The following CPE variants were observed in gnomAD, a reference collection of about 807,000 sequenced individuals.
CPE encodes the protein carbocypeptidase E.
In CPE, 17 loss-of-function variants were observed where a neutral mutation model predicts 53.5. The ratio of observed to expected loss-of-function variants is 0.32; its 90% confidence interval spans 0.22 to 0.48. The LOEUF (loss-of-function observed/expected upper bound fraction) is 0.48. Ranked by LOEUF, CPE falls within the 20% of genes least tolerant of loss-of-function variation. CPE has a pLI of 0.99. For synonymous variants in CPE, 226 were observed against 228.8 expected (o/e 0.99, Z 0.11); for missense variants, 524 against 614.7 (o/e 0.85, Z 1.56).
At chr4:165,405,307 A>C (rs754449189) in intron 1 of CPE, 1 of 1,323,114 alleles carries the variant, frequency 7.6e-7, no homozygotes, top group Non-Finnish European at 1.1e-6. Flanking sequence ...CTCCAGATGT[A>C]TTCTTCTTGC....
intron 1 of CPE, among the ~76,000 whole-genome samples, chr4:165,461,679 C>T (rs1182806826): frequency 1.3e-5 from 2 of 152,170 alleles, no homozygotes; most frequent in Non-Finnish European, 2.9e-5. Context: ...GAGTCTTCTT[C>T]CAGACTCTAC....
chr4:165,492,590 A>G (rs1422988196), intron 6 of CPE, among the ~76,000 whole-genome samples: 1 of 152,132 alleles, frequency 6.6e-6, no homozygotes, highest in African/African-American at 2.4e-5. Context: ...AAGGGCTTAC[A>G]ACTCTAAGGG....
intron 1 of CPE, among the ~76,000 whole-genome samples, chr4:165,393,877 C>T (rs1439922995): frequency 6.6e-6 from 1 of 152,186 alleles, no homozygotes; most frequent in Non-Finnish European, 1.5e-5. Flanking sequence ...TAAATCACTC[C>T]AGCACACTGT....
intron 1 of CPE, chr4:165,405,438 T>A: frequency 1.1e-6 from 1 of 871,802 alleles, no homozygotes; most frequent in Non-Finnish European, 2.0e-6. Context: ...ATTCCAGTCT[T>A]TACCACATCA....
intron 2 of CPE, 69 bp from the exon 3 acceptor site, chr4:165,467,619 G>T: frequency 7.0e-7 from 1 of 1,425,070 alleles, no homozygotes; most frequent in Non-Finnish European, 9.5e-7. Flanking sequence ...CATTGATAGG[G>T]ACCTTAAATA....
intron 1 of CPE, among the ~76,000 whole-genome samples, chr4:165,424,890 T>TTTTTTTG (rs1453637900): frequency 2.0e-5 from 3 of 151,696 alleles, no homozygotes; most frequent in African/African-American, 7.3e-5. Context: ...TTTTTTTTTT[T>TTTTTTTG]TTGAGACAGA....
chr4:165,477,054 C>T (rs1168257631), intron 3 of CPE, among the ~76,000 whole-genome samples: 1 of 152,214 alleles, frequency 6.6e-6, no homozygotes, highest in Non-Finnish European at 1.5e-5. Context: ...TTTGTTAAAT[C>T]TGAGAAATGA....
intron 3 of CPE, among the ~76,000 whole-genome samples, chr4:165,471,980 C>T (rs536066143): frequency 2.0e-5 from 3 of 152,226 alleles, no homozygotes; most frequent in East Asian, 3.9e-4. Flanking sequence ...TTAAGAATAC[C>T]CACAAATAGT....
At chr4:165,388,124 A>G (rs566199189) in intron 1 of CPE, among the ~76,000 whole-genome samples, 24 of 152,340 alleles carry the variant, frequency 1.6e-4, no homozygotes, top group African/African-American at 5.5e-4. Context: ...TGCAGCTGCT[A>G]GTCACTGCCA....
chr4:165,462,486 A>AG (rs1732025517), intron 1 of CPE, among the ~76,000 whole-genome samples: 2 of 151,838 alleles, frequency 1.3e-5, no homozygotes, highest in South Asian at 4.2e-4. Context: ...ACTTTTTCAA[A>AG]AAAACTTGTG....
At chr4:165,424,789 C>T (rs1731289145) in intron 1 of CPE, among the ~76,000 whole-genome samples, 1 of 152,134 alleles carries the variant, frequency 6.6e-6, no homozygotes, top group Non-Finnish European at 1.5e-5. Context: ...CTGCCTCGGC[C>T]TCCCAAAGTT....
intron 1 of CPE, among the ~76,000 whole-genome samples, chr4:165,460,716 G>A (rs1213678025): frequency 2.6e-5 from 4 of 152,160 alleles, no homozygotes; most frequent in African/African-American, 4.8e-5. Context: ...TGAAAAGCAA[G>A]ACCATTCATT....
intron 1 of CPE, among the ~76,000 whole-genome samples, chr4:165,459,789 G>A (rs1245564162): frequency 1.3e-5 from 2 of 151,322 alleles, no homozygotes; most frequent in South Asian, 2.1e-4. Flanking sequence ...GGTGGCGTGC[G>A]CCTGTACTCC....
Position 165,485,607 on chromosome 4 carries a change from A to G in CPE, c.973+1003A>G, listed in dbSNP as rs1356904712. On this transcript the variant is annotated intron_variant, in intron 5 of 8. Coordinates refer to ENST00000402744, the MANE Select transcript of CPE (RefSeq NM_001873.4). The stretch of plus-strand genomic sequence containing the variant: ...TGTCTAGTACATCAGATGGGAAGTA[A>G]TTTTATACTTTAGTTTTTATAAAAA... Among the ~76,000 whole-genome samples the G allele has an allele frequency of 2.0e-5, 3 of 152,178 alleles. No homozygotes were observed. The East Asian group carries it at 5.8e-4, about 29-fold the overall frequency.
chr4:165,458,956 ACTGACATGTG>A (rs1731948509), intron 1 of CPE, among the ~76,000 whole-genome samples: 1 of 152,228 alleles, frequency 6.6e-6, no homozygotes, highest in African/African-American at 2.4e-5. Flanking sequence ...TGCTCACCCT[ACTGACATGTG>A]GACTTCTGTT....
At chr4:165,473,722 G>C (rs1732247106) in intron 3 of CPE, among the ~76,000 whole-genome samples, 1 of 151,868 alleles carries the variant, frequency 6.6e-6, no homozygotes, top group Non-Finnish European at 1.5e-5. Context: ...CTTTTCTTTT[G>C]GAAGGAGGAG....
At chr4:165,423,817 C>T in intron 1 of CPE, among the ~76,000 whole-genome samples, 1 of 134,754 alleles carries the variant, frequency 7.4e-6, no homozygotes, top group Non-Finnish European at 1.6e-5. Context: ...CAACAGTCCT[C>T]AGAGTGTGAT....
intron 1 of CPE, among the ~76,000 whole-genome samples, chr4:165,437,159 G>A (rs1037223056): frequency 6.6e-6 from 1 of 152,130 alleles, no homozygotes; most frequent in Non-Finnish European, 1.5e-5. Context: ...GAGTGTTATT[G>A]GTCTGGCTGG....
At chr4:165,447,453 C>T (rs1731735289) in intron 1 of CPE, among the ~76,000 whole-genome samples, 1 of 152,000 alleles carries the variant, frequency 6.6e-6, no homozygotes. Flanking sequence ...TGCCTGTAAT[C>T]CCAGCTACTT....
Sources: allele counts gnomAD v4.1 joint callset (sites outside exome capture counted in the v4.1 genomes callset), GRCh38; gene constraint gnomAD v4.1.1; transcripts MANE v1.5; gene names NCBI Gene and HGNC (gene_info 2026-07-23, HGNC 2026-07-21).